The following PAMR1 variants were observed in gnomAD, a reference collection of about 807,000 sequenced individuals.
PAMR1 encodes the protein inactive serine protease PAMR1.
Under a neutral mutation model 81.8 loss-of-function variants are expected in PAMR1, and 88 were observed. That is an observed-to-expected ratio of 1.08 (90% CI 0.91 to 1.28). The LOEUF (loss-of-function observed/expected upper bound fraction) is 1.28. Among genes scored for constraint, PAMR1 ranks in the 50% most tolerant of loss-of-function variants. The pLI is 0.00. For synonymous variants in PAMR1, 336 were observed against 345.3 expected (o/e 0.97, Z 0.30); for missense variants, 935 against 919.7 (o/e 1.02, Z -0.21).
chr11:35,494,321 A>G (rs773120882), intron 1 of PAMR1, 49 bp from the exon 2 acceptor site: 2 of 1,489,580 alleles, frequency 1.3e-6, no homozygotes, highest in Admixed American at 1.7e-5. Context: ...AGGGAGTGGT[A>G]AGACTCTTTG....
intron 1 of PAMR1, among the ~76,000 whole-genome samples, chr11:35,496,332 C>G (rs1850726445): frequency 6.6e-6 from 1 of 152,112 alleles, no homozygotes; most frequent in Non-Finnish European, 1.5e-5. Context: ...AAAGACCACC[C>G]ACAAAATGGG....
rs565994772 is a variant in PAMR1, at chr11:35,441,355, A to G, written c.1033+126T>C. On this transcript the variant is annotated intron_variant, in intron 7 of 10. Transcript: ENST00000619888. ...GGATGGTTTCCAACCTCAGAGATAT[A>G]TGGTTTCAGAAAGGACTTAAAAGAG... The G allele has an allele frequency of 8.5e-6, 6 of 709,604 alleles. No individual in the cohort carries two copies. The African/African-American group carries it at 8.9e-5, about 11-fold the overall frequency. 44.0% of individuals were successfully genotyped at this position (709,604 alleles called of 1,614,324 possible).
chr11:35,509,189 C>G (rs1364131627), intron 1 of PAMR1, among the ~76,000 whole-genome samples: 1 of 152,126 alleles, frequency 6.6e-6, no homozygotes, highest in Non-Finnish European at 1.5e-5. Context: ...TCTTTCTCTC[C>G]CAGCTTGAGT....
intron 6 of PAMR1, among the ~76,000 whole-genome samples, chr11:35,457,740 T>C (rs1346178412): frequency 1.3e-5 from 2 of 152,098 alleles, no homozygotes; most frequent in African/African-American, 4.8e-5. Flanking sequence ...GGGATTATTA[T>C]AAATGAGAAA....
At chr11:35,497,912 G>T (rs577658411) in intron 1 of PAMR1, among the ~76,000 whole-genome samples, 70 of 151,998 alleles carry the variant, frequency 4.6e-4, no homozygotes, top group African/African-American at 1.7e-3. Context: ...ATTTTCAAAG[G>T]CTGAGAGAAT....
chr11:35,490,763 G>C (rs116200455), intron 3 of PAMR1, among the ~76,000 whole-genome samples: 1,932 of 152,302 alleles, frequency 0.013, 47 homozygotes, highest in African/African-American at 0.044. Context: ...AGCACTAAGT[G>C]CTTCACACAC....
intron 8 of PAMR1, among the ~76,000 whole-genome samples, chr11:35,437,110 A>G (rs543195931): frequency 1.3e-4 from 20 of 152,304 alleles, no homozygotes; most frequent in Non-Finnish European, 2.9e-4. Context: ...GGGATATTAA[A>G]TGAGCCCTGA....
intron 3 of PAMR1, among the ~76,000 whole-genome samples, chr11:35,485,302 C>T (rs1278956638): frequency 6.6e-6 from 1 of 151,924 alleles, no homozygotes; most frequent in East Asian, 1.9e-4. Context: ...GAGAGAGAGC[C>T]AGATGTTGGA....
At chr11:35,457,879 G>A (rs1481362858) in intron 6 of PAMR1, among the ~76,000 whole-genome samples, 1 of 152,188 alleles carries the variant, frequency 6.6e-6, no homozygotes, top group Non-Finnish European at 1.5e-5. Flanking sequence ...AGGGATATGA[G>A]TTATTACCTA....
At chr11:35,447,636 T>TA (rs1410516652) in intron 6 of PAMR1, among the ~76,000 whole-genome samples, 3 of 152,234 alleles carry the variant, frequency 2.0e-5, no homozygotes, top group Non-Finnish European at 4.4e-5. Flanking sequence ...GCATTTAGCC[T>TA]ATTTACATTT....
intron 3 of PAMR1, among the ~76,000 whole-genome samples, chr11:35,475,729 A>G (rs1374190951): frequency 2.0e-5 from 3 of 152,230 alleles, no homozygotes; most frequent in Non-Finnish European, 2.9e-5. Flanking sequence ...CCTTTTGAAA[A>G]TAAGGTTTTA....
chr11:35,526,721 G>A (rs111982774), upstream of PAMR1, among the ~76,000 whole-genome samples: 13 of 152,312 alleles, frequency 8.5e-5, 1 homozygote, highest in African/African-American at 3.1e-4. Context: ...AGCTTCTTAG[G>A]ATGCTACATA....
chr11:35,513,308 G>C (rs929191776), intron 1 of PAMR1: 1 of 152,120 alleles, frequency 6.6e-6, no homozygotes, highest in Non-Finnish European at 1.5e-5. Flanking sequence ...CTATAGCATA[G>C]GGACAATTAA....
At chr11:35,459,711 A>G (rs575095846) in intron 6 of PAMR1, among the ~76,000 whole-genome samples, 3 of 152,296 alleles carry the variant, frequency 2.0e-5, no homozygotes, top group Non-Finnish European at 2.9e-5. Flanking sequence ...CATCATCACC[A>G]TCACTATTAC....
intron 1 of PAMR1, among the ~76,000 whole-genome samples, chr11:35,504,403 T>C (rs1343482543): frequency 1.3e-5 from 2 of 152,300 alleles, no homozygotes; most frequent in African/African-American, 4.8e-5. Context: ...TAGAATGAGT[T>C]TGGAAATATT....
chr11:35,481,967 T>C (rs1466645187), intron 3 of PAMR1, among the ~76,000 whole-genome samples: 1 of 152,224 alleles, frequency 6.6e-6, no homozygotes, highest in African/African-American at 2.4e-5. Flanking sequence ...TACAAAAATT[T>C]TCTCCAATTC....
intron 6 of PAMR1, among the ~76,000 whole-genome samples, chr11:35,448,808 C>G (rs1011297902): frequency 3.9e-5 from 6 of 152,136 alleles, no homozygotes; most frequent in African/African-American, 1.4e-4. Context: ...GGCTGCTGAC[C>G]TTTGGATGAG....
At chr11:35,491,980 C>T (rs1340909428) in intron 3 of PAMR1, 65 bp downstream of exon 3, 18 of 1,394,714 alleles carry the variant, frequency 1.3e-5, no homozygotes, top group Non-Finnish European at 1.7e-5. Flanking sequence ...AAATTTTGGT[C>T]CATTGTAAGC....
At chr11:35,456,000 T>C (rs899259522) in intron 6 of PAMR1, among the ~76,000 whole-genome samples, 1 of 152,018 alleles carries the variant, frequency 6.6e-6, no homozygotes, top group Non-Finnish European at 1.5e-5. Flanking sequence ...AAAAAGAGAG[T>C]TAATAGTTCC....
Sources: gnomAD v4.1 joint callset for allele counts (sites outside exome capture counted in the v4.1 genomes callset) on GRCh38, gnomAD v4.1.1 for gene constraint, MANE v1.5 for transcripts, NCBI Gene and HGNC (gene_info 2026-07-23, HGNC 2026-07-21) for gene names.